Variants in MYOF observed in about 807,000 individuals in gnomAD.
MYOF encodes fer-1-like 3, myoferlin.
MYOF carries 244 observed loss-of-function variants against 284.2 expected under a neutral mutation model. That is an observed-to-expected ratio of 0.86 (90% CI 0.77 to 0.95). The LOEUF is 0.95. MYOF is among the 40% of genes least tolerant of loss of function. MYOF has a pLI of 0.00. For synonymous variants in MYOF, 904 were observed against 919.7 expected (o/e 0.98, Z 0.31); for missense variants, 2,496 against 2,560.6 (o/e 0.97, Z 0.54).
At chr10:93,475,337 G>A (rs1485932823) in intron 1 of MYOF, among the ~76,000 whole-genome samples, 1 of 152,180 alleles carries the variant, frequency 6.6e-6, no homozygotes, top group Non-Finnish European at 1.5e-5. Flanking sequence ...TACGTTTCAT[G>A]TATGAAGGTT....
intron 36 of MYOF, 52 bp downstream of exon 36, chr10:93,349,756 A>C: frequency 4.5e-6 from 7 of 1,567,140 alleles, no homozygotes; most frequent in Non-Finnish European, 1.7e-6. Flanking sequence ...TGTGAGGCAC[A>C]TACTTTCATA....
At chr10:93,426,624 C>T (rs1034979457) in intron 4 of MYOF, among the ~76,000 whole-genome samples, 1 of 152,150 alleles carries the variant, frequency 6.6e-6, no homozygotes, top group African/African-American at 2.4e-5. Flanking sequence ...CACGGTGGCT[C>T]ATGCCTGTAA....
intron 53 of MYOF, 67 bp downstream of exon 53, chr10:93,309,953 G>T: frequency 6.3e-7 from 1 of 1,595,532 alleles, no homozygotes. Flanking sequence ...CAGGGCAGAT[G>T]CCAAGGGAGA....
intron 15 of MYOF, among the ~76,000 whole-genome samples, chr10:93,396,995 T>G (rs1847043481): frequency 6.6e-6 from 1 of 152,336 alleles, no homozygotes; most frequent in South Asian, 2.1e-4. Flanking sequence ...AATCCCTGAT[T>G]TCTTATCTTG....
chr10:93,446,621 A>T (rs2140556), intron 3 of MYOF, among the ~76,000 whole-genome samples: 1 of 152,162 alleles, frequency 6.6e-6, no homozygotes, highest in Admixed American at 6.5e-5. Flanking sequence ...GGAGGGGGGA[A>T]GATTGAAAAA....
chr10:93,429,173 T>C (rs1848727129), intron 4 of MYOF, among the ~76,000 whole-genome samples: 1 of 152,188 alleles, frequency 6.6e-6, no homozygotes, highest in South Asian at 2.1e-4. Flanking sequence ...TTGCAAGGTC[T>C]GGTTATTAAA....
chr10:93,410,841 C>T (rs1017071609), intron 5 of MYOF, among the ~76,000 whole-genome samples: 4 of 152,324 alleles, frequency 2.6e-5, no homozygotes, highest in Middle Eastern at 3.4e-3. Context: ...ACCTGTCAGT[C>T]ATTCACATCC....
chr10:93,384,029 G>A (rs1307723582), intron 19 of MYOF, among the ~76,000 whole-genome samples: 1 of 152,160 alleles, frequency 6.6e-6, no homozygotes, highest in Non-Finnish European at 1.5e-5. Context: ...AAAAGCAATA[G>A]TTTGGGCTTC....
chr10:93,461,137 T>C (rs788091), intron 1 of MYOF, among the ~76,000 whole-genome samples: 147,464 of 152,284 alleles, frequency 0.97, 71,573 homozygotes, highest in East Asian at 1. Context: ...CCACCAGGCT[T>C]TTGCCTGTCT....
chr10:93,400,459 T>C (rs1847226155), intron 12 of MYOF, among the ~76,000 whole-genome samples: 1 of 151,856 alleles, frequency 6.6e-6, no homozygotes, highest in Admixed American at 6.6e-5. Context: ...ACCCACTGCC[T>C]CCAGCCCATT....
At chr10:93,451,113 G>T (rs1371808252) in intron 3 of MYOF, among the ~76,000 whole-genome samples, 1 of 152,118 alleles carries the variant, frequency 6.6e-6, no homozygotes, top group East Asian at 1.9e-4. Flanking sequence ...GCTGAAGCGG[G>T]TAGATCACCT....
At chr10:93,341,268 T>C (rs544124610) in intron 38 of MYOF, among the ~76,000 whole-genome samples, 73 of 148,810 alleles carry the variant, frequency 4.9e-4, no homozygotes, top group African/African-American at 1.6e-3. Flanking sequence ...TAATAGTTCA[T>C]GATTTAAAAG....
At chr10:93,405,642 G>A (rs73319694) in intron 7 of MYOF, among the ~76,000 whole-genome samples, 6 of 152,100 alleles carry the variant, frequency 3.9e-5, no homozygotes, top group African/African-American at 1.4e-4. Flanking sequence ...TTTCCTCACT[G>A]TCGGATGCAA....
chr10:93,382,408 T>C (rs918732185), intron 19 of MYOF, among the ~76,000 whole-genome samples: 1 of 152,166 alleles, frequency 6.6e-6, no homozygotes, highest in African/African-American at 2.4e-5. Context: ...AAACTATTGA[T>C]TTTCTAATCA....
At position 93,373,047 on chromosome 10, in the gene MYOF, G is replaced by T. The variant is rs1207614395; in HGVS notation, c.2340C>A (p.Ile780=). Reference sequence around the variant, plus strand: ...CATAGGCCAGTCTCTTCTCTCCCCGGATCATCCAGATGATGATGTCAGGCA... The same window carrying T: ...CATAGGCCAGTCTCTTCTCTCCCCGTATCATCCAGATGATGATGTCAGGCA... ...NSMPDIIIWM[I]RGEKRLAYAR... Residue 780 remains isoleucine, a synonymous_variant, in exon 24 of 54, where the codon ATC becomes ATA. Coordinates refer to ENST00000359263, the MANE Select transcript of MYOF (RefSeq NM_013451.4). The T allele has an allele frequency of 1.9e-6, 3 of 1,614,142 alleles. No individual in the cohort carries two copies. In the South Asian group the frequency reaches 3.3e-5, roughly 18 times the overall value.
At chr10:93,468,664 C>G (rs1239225084) in intron 1 of MYOF, among the ~76,000 whole-genome samples, 1 of 152,228 alleles carries the variant, frequency 6.6e-6, no homozygotes, top group East Asian at 1.9e-4. Flanking sequence ...GGTGTCTCAT[C>G]ATTAGTCATC....
At position 93,310,722 on chromosome 10, in the gene MYOF, C is replaced by T. The variant is rs372173640; in HGVS notation, c.5890-79G>A. 110 of 1,298,096 alleles carry T rather than the reference C, an allele frequency of 8.5e-5. No individual in the cohort carries two copies. In the African/African-American group the frequency reaches 1.2e-3, roughly 14 times the overall value. The allele number at this position is 1,298,096 out of a possible 1,614,324, so 80.4% of individuals were successfully genotyped here. Reference sequence around the variant, plus strand: ...TTACTTCAACCCAAGGAGTATTCCCCGAGCAATGATTTTTATTCTTGTAAA... The same window carrying T: ...TTACTTCAACCCAAGGAGTATTCCCTGAGCAATGATTTTTATTCTTGTAAA... On this transcript the variant is annotated intron_variant, in intron 51 of 53. Transcript: ENST00000359263.
intron 1 of MYOF, among the ~76,000 whole-genome samples, chr10:93,471,023 CA>C (rs1267015743): frequency 2.0e-5 from 3 of 151,338 alleles, no homozygotes; most frequent in Non-Finnish European, 4.4e-5. Flanking sequence ...TTTTTTTTTT[CA>C]ATTTATAAGC....
At chr10:93,380,855 A>G (rs1846077506) in intron 20 of MYOF, among the ~76,000 whole-genome samples, 1 of 152,158 alleles carries the variant, frequency 6.6e-6, no homozygotes, top group Admixed American at 6.5e-5. Context: ...AGTCCCATTC[A>G]TTTTCCACTA....
Sources: gnomAD v4.1 joint callset for allele counts (sites outside exome capture counted in the v4.1 genomes callset) on GRCh38, gnomAD v4.1.1 for gene constraint, MANE v1.5 for transcripts, NCBI Gene and HGNC (gene_info 2026-07-23, HGNC 2026-07-21) for gene names.